Variants in ANKMY1 observed in about 807,000 individuals in gnomAD.
ANKMY1 encodes ankyrin repeat and MYND domain containing 1.
ANKMY1 carries 98 observed loss-of-function variants against 102.0 expected under a neutral mutation model. The ratio of observed to expected loss-of-function variants is 0.96; its 90% CI spans 0.82 to 1.14. The LOEUF is 1.14. Among genes scored for constraint, ANKMY1 ranks in the 50% most tolerant of loss-of-function variants. The pLI, the probability that ANKMY1 is intolerant of heterozygous loss-of-function variation, is 0.00. For synonymous variants in ANKMY1, 582 were observed against 559.9 expected, an observed-to-expected ratio of 1.04 and a Z score of -0.56; for missense variants, 1,330 against 1,347.6, an observed-to-expected ratio of 0.99 and a Z score of 0.20.
In ANKMY1 at chr2:240,518,147, T is replaced by C. The variant is rs2081519573; in HGVS notation, c.2004+2215A>G. Among the ~76,000 whole-genome samples the C allele has an allele frequency of 5.3e-5, 8 of 152,174 alleles. No homozygotes were observed. In the South Asian group the frequency reaches 1.7e-3, roughly 31 times the overall value. ...AATTGTCCCATAGAACTGATGTCTA[T>C]GGTTTCTTTTAAATAAACATAGAAA... is the stretch of plus-strand genomic sequence containing the variant. On this transcript the variant is annotated intron_variant, in intron 9 of 17. Coordinates refer to ENST00000401804, the MANE Select transcript of ANKMY1 (RefSeq NM_001282771.3).
chr2:240,559,344 A>C (rs1559404328), upstream of ANKMY1, among the ~76,000 whole-genome samples: 1 of 152,218 alleles, frequency 6.6e-6, no homozygotes, highest in Non-Finnish European at 1.5e-5. Context: ...CAGTGGCCCA[A>C]CAGTGGCATC....
At chr2:240,523,028 T>C (rs971713217) in intron 8 of ANKMY1, 3 of 152,166 alleles carry the variant, frequency 2.0e-5, no homozygotes, top group Non-Finnish European at 2.9e-5. Context: ...GTTGGGAAGA[T>C]GCCGCATTCT....
chr2:240,470,475 AG>A, the ANKMY1 span, among the ~76,000 whole-genome samples: 1 of 152,200 alleles, frequency 6.6e-6, no homozygotes, highest in Non-Finnish European at 1.5e-5. Context: ...AGCCCCTCCC[AG>A]ATGAGACCAC....
At chr2:240,471,945 C>A in the ANKMY1 span, among the ~76,000 whole-genome samples, 1 of 152,136 alleles carries the variant, frequency 6.6e-6, no homozygotes, top group Non-Finnish European at 1.5e-5. Flanking sequence ...CCCAGTCCAT[C>A]CCCCCTGAAG....
chr2:240,543,592 T>A (rs1331081241), intron 4 of ANKMY1, among the ~76,000 whole-genome samples: 1 of 152,180 alleles, frequency 6.6e-6, no homozygotes, highest in Non-Finnish European at 1.5e-5. Context: ...TCTTCTGAGT[T>A]ATTGGTGAAA....
At chr2:240,495,990 A>G (rs1198820370) in intron 15 of ANKMY1, among the ~76,000 whole-genome samples, 1 of 152,098 alleles carries the variant, frequency 6.6e-6, no homozygotes, top group African/African-American at 2.4e-5. Flanking sequence ...CTGTCTGTAC[A>G]CTGCTCTGGT....
At chr2:240,481,510 G>T (rs924888520) in intron 16 of ANKMY1, among the ~76,000 whole-genome samples, 4 of 152,052 alleles carry the variant, frequency 2.6e-5, no homozygotes, top group Non-Finnish European at 5.9e-5. Flanking sequence ...CTGCCTTTGG[G>T]GTGAAACTCT....
intron 15 of ANKMY1, among the ~76,000 whole-genome samples, chr2:240,496,576 G>A (rs11692901): frequency 3.9e-5 from 6 of 152,154 alleles, no homozygotes; most frequent in Admixed American, 2.6e-4. Flanking sequence ...TTAATGACCA[G>A]CTGGGTTAAT....
At position 240,506,486 on chromosome 2, in the gene ANKMY1, A is replaced by G. The variant is rs2079097245; in HGVS notation, c.2526+1074T>C. ...AGAACAGGGTCTTAGGAAGAAGGACAGGAGACTTAAAATCAGATCTGGAAA... is the reference window on the plus strand; with the variant it reads ...AGAACAGGGTCTTAGGAAGAAGGACGGGAGACTTAAAATCAGATCTGGAAA... On this transcript the variant is annotated intron_variant, in intron 13 of 17. Coordinates refer to ENST00000401804, the MANE Select transcript of ANKMY1 (RefSeq NM_001282771.3). This position sits in a 1 kb window ranked among gnomAD's most constrained non-coding sequence, Gnocchi z 4.9. Among the ~76,000 whole-genome samples, 1 of 152,228 alleles carries G rather than the reference A, an allele frequency of 6.6e-6. No individual in the cohort carries two copies. Among genetic ancestry groups the G allele is most frequent in the African/African-American group, 2.4e-5 (1 of 41,442 alleles).
At chr2:240,560,533 G>A (rs576520296), upstream of ANKMY1, 4 of 1,159,356 alleles carry the variant, frequency 3.5e-6, no homozygotes, top group Non-Finnish European at 2.2e-6. Context: ...GCCCGCGGGG[G>A]ACCCAAGCCC....
At chr2:240,469,768 A>C in the ANKMY1 span, among the ~76,000 whole-genome samples, 4 of 144,828 alleles carry the variant, frequency 2.8e-5, no homozygotes, top group African/African-American at 1.1e-4. Flanking sequence ...GCACGTCCTC[A>C]CATGCCCACA....
chr2:240,526,513 T>C, intron 5 of ANKMY1, 68 bp from the exon 6 acceptor site: 2 of 1,597,494 alleles, frequency 1.3e-6, no homozygotes, highest in Non-Finnish European at 1.7e-6. Context: ...AGGGTCCAGC[T>C]GGACCACCTC....
chr2:240,468,789 G>A, the ANKMY1 span, among the ~76,000 whole-genome samples: 1 of 152,210 alleles, frequency 6.6e-6, no homozygotes. Flanking sequence ...AGAGCACAGA[G>A]GGGTGGGTGG....
intron 15 of ANKMY1, among the ~76,000 whole-genome samples, chr2:240,490,742 T>A (rs148597112): frequency 6.6e-6 from 1 of 152,180 alleles, no homozygotes; most frequent in Non-Finnish European, 1.5e-5. Context: ...TGTTCTGTGG[T>A]CTAACGTATG....
At chr2:240,510,925 A>G (rs1422696668) in intron 11 of ANKMY1, among the ~76,000 whole-genome samples, 2 of 131,628 alleles carry the variant, frequency 1.5e-5, no homozygotes, top group Admixed American at 7.5e-5. Flanking sequence ...TCACGGTGGG[A>G]GCCTTGACCA....
chr2:240,514,434 G>A (rs888920994), intron 9 of ANKMY1, among the ~76,000 whole-genome samples: 17 of 152,162 alleles, frequency 1.1e-4, no homozygotes, highest in Admixed American at 2.6e-4. Context: ...GGAGGCAGGG[G>A]GGCATCACAC....
intron 7 of ANKMY1, among the ~76,000 whole-genome samples, chr2:240,525,142 T>A (rs561826629): frequency 1.3e-5 from 2 of 152,352 alleles, no homozygotes; most frequent in East Asian, 3.9e-4. Flanking sequence ...CATTGTTACA[T>A]TTCTTTCCTG....
chr2:240,522,015 C>G (rs939042007), intron 8 of ANKMY1: 1 of 152,216 alleles, frequency 6.6e-6, no homozygotes, highest in Non-Finnish European at 1.5e-5. Context: ...AGCAGGTTGT[C>G]GCTGCAGGCT....
chr2:240,544,985 C>T (rs2090005812), intron 4 of ANKMY1, among the ~76,000 whole-genome samples: 1 of 152,234 alleles, frequency 6.6e-6, no homozygotes, highest in Non-Finnish European at 1.5e-5. Flanking sequence ...AGCCGGGAAG[C>T]TCCAACTGGG....
Sources: gnomAD v4.1 joint callset for allele counts (sites outside exome capture counted in the v4.1 genomes callset) on GRCh38, gnomAD v4.1.1 for gene constraint, Gnocchi (gnomAD v3.1) non-coding constraint, MANE v1.5 for transcripts, NCBI Gene and HGNC (gene_info 2026-07-23, HGNC 2026-07-21) for gene names.